Variants in PCDHGA9 observed in about 807,000 individuals in gnomAD.
PCDHGA9 encodes the protein protocadherin gamma-A9.
Under a neutral mutation model 62.5 loss-of-function variants are expected in PCDHGA9, and 37 were observed. The ratio of observed to expected loss-of-function variants is 0.59; its 90% CI spans 0.46 to 0.78. The LOEUF (loss-of-function observed/expected upper bound fraction) is 0.78. Among genes scored for constraint, PCDHGA9 ranks in the 30% least tolerant of loss-of-function variants. The pLI, the probability that PCDHGA9 is intolerant of heterozygous loss-of-function variation, is 0.00. For synonymous variants in PCDHGA9, 459 were observed against 484.6 expected (o/e 0.95, Z 0.69); for missense variants, 1,138 against 1,166.2 (o/e 0.98, Z 0.35).
intron 1 of PCDHGA9, chr5:141,408,778 A>G (rs1261786266): frequency 6.2e-7 from 1 of 1,612,198 alleles, no homozygotes; most frequent in Non-Finnish European, 8.5e-7. Flanking sequence ...GCAAATACCC[A>G]GAGTTATCTC....
chr5:141,408,839 A>T (rs1296339131), intron 1 of PCDHGA9: 24 of 1,613,642 alleles, frequency 1.5e-5, no homozygotes, highest in Non-Finnish European at 2.0e-5. Context: ...CTTGATATTG[A>T]CTGCCTTGGA....
chr5:141,446,253 A>T (rs1452074783), intron 1 of PCDHGA9, among the ~76,000 whole-genome samples: 3 of 152,164 alleles, frequency 2.0e-5, no homozygotes, highest in African/African-American at 7.2e-5. Context: ...CTTCAGTGAA[A>T]TATTATTAAC....
At chr5:141,409,163 G>A in intron 1 of PCDHGA9, 1 of 1,614,026 alleles carries the variant, frequency 6.2e-7, no homozygotes. Context: ...GGAAGTGGAA[G>A]CGAAGGACGG....
In PCDHGA9 at chr5:141,431,463, C is replaced by T. The variant is rs139195027; in HGVS notation, c.2424+26087C>T. Reference sequence around the variant, plus strand: ...CGCATCCGCGTGATGGTTCTGGATGCGAACGACAACGCACCAGCGTTTGCT... The same window carrying T: ...CGCATCCGCGTGATGGTTCTGGATGTGAACGACAACGCACCAGCGTTTGCT... On this transcript the variant is annotated intron_variant, in intron 1 of 3. Transcript: ENST00000573521. The surrounding 1 kb of genome is among the most constrained non-coding windows in gnomAD (Gnocchi z 4.8). The T allele has an allele frequency of 3.5e-3, 5,640 of 1,613,740 alleles. 51 individuals are homozygous for T. Among genetic ancestry groups the T allele is most frequent in the South Asian group, 0.02 (1,825 of 91,088 alleles).
chr5:141,494,950 A>T, intron 2 of PCDHGA9, 85 bp downstream of exon 2: 2 of 1,607,070 alleles, frequency 1.2e-6, no homozygotes, highest in African/African-American at 2.7e-5. Context: ...AGGGCCCAGC[A>T]TTTGCTACAG....
At chr5:141,408,211 G>C in intron 1 of PCDHGA9, 1 of 1,554,426 alleles carries the variant, frequency 6.4e-7, no homozygotes, top group Non-Finnish European at 8.7e-7. Context: ...CGATGGGAGG[G>C]AGCTGCGCGC....
chr5:141,421,784 G>C, intron 1 of PCDHGA9: 1 of 1,613,874 alleles, frequency 6.2e-7, no homozygotes, highest in Non-Finnish European at 8.5e-7. Context: ...CTGCGGGGCA[G>C]AACGGATGGG....
At position 141,489,068 on chromosome 5, in the gene PCDHGA9, G is replaced by GGCCCC; in HGVS notation, c.2425-5739_2425-5738insGCCCC. On this transcript the variant is annotated intron_variant, in intron 1 of 3. Coordinates refer to ENST00000573521, the MANE Select transcript of PCDHGA9 (RefSeq NM_018921.3). This position sits in a 1 kb window ranked among gnomAD's most constrained non-coding sequence, Gnocchi z 4.5. ...CTCAAATTCAGCTCCCCTCCCCCCT[G>GGCCCC]CCCACCCCCGCCACTCGGTGACTAA... 3.4e-6 allele frequency: 1 copy of GGCCCC among 291,558 alleles called. No individual in the cohort carries two copies. 18.1% of individuals were successfully genotyped at this position (291,558 alleles called of 1,614,324 possible). A position where few individuals can be genotyped will look rare whatever the true frequency, so the allele number is the denominator to read the frequency against.
chr5:141,409,711 A>T (rs768917889), intron 1 of PCDHGA9: 1 of 1,613,204 alleles, frequency 6.2e-7, no homozygotes, highest in Non-Finnish European at 8.5e-7. Flanking sequence ...CGGTGTCGTC[A>T]TACGTGTCAG....
Position 141,487,892 on chromosome 5 carries a change from T to A in PCDHGA9, c.2425-6915T>A. On this transcript the variant is annotated intron_variant, in intron 1 of 3. Coordinates refer to ENST00000573521, the MANE Select transcript of PCDHGA9 (RefSeq NM_018921.3). The surrounding 1 kb of genome is among the most constrained non-coding windows in gnomAD (Gnocchi z 5.0). The stretch of plus-strand genomic sequence containing the variant: ...GAGCCAGGCTGTTGTGGAAGCATGA[T>A]GATGGAATGTGGGAGCACAGGAGGC... 1 of 731,410 alleles carries A rather than the reference T, an allele frequency of 1.4e-6. No homozygotes were observed. Among genetic ancestry groups the A allele is most frequent in the South Asian group, 1.8e-5 (1 of 54,120 alleles). The allele number at this position is 731,410 out of a possible 1,614,324, so 45.3% of individuals were successfully genotyped here. A position where few individuals can be genotyped will look rare whatever the true frequency, so the allele number is the denominator to read the frequency against.
chr5:141,448,814 G>A (rs967588194), intron 1 of PCDHGA9, among the ~76,000 whole-genome samples: 14 of 152,122 alleles, frequency 9.2e-5, no homozygotes, highest in Non-Finnish European at 1.8e-4. Flanking sequence ...GCGTGATGGC[G>A]GGCGCCTGTA....
chr5:141,445,991 T>C (rs532620580), intron 1 of PCDHGA9, among the ~76,000 whole-genome samples: 147 of 152,168 alleles, frequency 9.7e-4, no homozygotes, highest in Admixed American at 3.4e-3. Context: ...TAAATAGAAA[T>C]AGGAAGATAA....
chr5:141,420,135 A>T (rs2096469364), intron 1 of PCDHGA9: 1 of 1,614,026 alleles, frequency 6.2e-7, no homozygotes. Flanking sequence ...GTGCCTGGGG[A>T]TCAAATGAAT....
At chr5:141,470,872 T>TTTTTTG (rs900302332) in intron 1 of PCDHGA9, among the ~76,000 whole-genome samples, 2 of 151,814 alleles carry the variant, frequency 1.3e-5, no homozygotes, top group Admixed American at 1.3e-4. Context: ...GTTTGTTTGT[T>TTTTTTG]TTTTTGTTTT....
At chr5:141,508,162 G>A (rs377676571) in intron 3 of PCDHGA9, 4 of 152,502 alleles carry the variant, frequency 2.6e-5, no homozygotes, top group African/African-American at 9.7e-5. Context: ...CCTGAGTAGA[G>A]GCTGGCACAG....
intron 2 of PCDHGA9, among the ~76,000 whole-genome samples, chr5:141,503,744 A>G (rs1310696654): frequency 2.0e-5 from 3 of 152,112 alleles, no homozygotes; most frequent in African/African-American, 4.8e-5. Context: ...GATGGTATAG[A>G]GGTCACACAT....
At chr5:141,472,980 C>CAAAAAAAAAAAAAAAAAAAAAA (rs60579131) in intron 1 of PCDHGA9, among the ~76,000 whole-genome samples, 6 of 86,102 alleles carry the variant, frequency 7.0e-5, no homozygotes, top group African/African-American at 1.2e-4. Flanking sequence ...GAGTGAAACT[C>CAAAAAAAAAAAAAAAAAAAAAA]AAAAAAAAAA....
Position 141,432,014 on chromosome 5 carries a change from AACATC to A in PCDHGA9, c.2424+26642_2424+26646del. ...GGATAGGGAACAGGTTCCTAGCTAC[AACATC>A]ACAGTGACCGCCACTGACCGGGGAA... On this transcript the variant is annotated intron_variant, in intron 1 of 3. Transcript: ENST00000573521. This position sits in a 1 kb window ranked among gnomAD's most constrained non-coding sequence, Gnocchi z 6.0. 6.2e-7 allele frequency: 1 copy of A among 1,614,078 alleles called. No individual in the cohort carries two copies. The highest frequency in any genetic ancestry group is 8.5e-7 in the Non-Finnish European group (1 of 1,180,036).
chr5:141,413,690 A>T lies in PCDHGA9; in HGVS notation c.2424+8314A>T, dbSNP rs553462819. On this transcript the variant is annotated intron_variant, in intron 1 of 3. Transcript: ENST00000573521. ...CCGGATGTGGGCGTGAACTCCCTGC[A>T]GAGCTATCAGCTCAGCCCCAATAAG... 9.9e-6 allele frequency: 16 copies of T among 1,613,702 alleles called. No individual in the cohort carries two copies. The East Asian group carries it at 2.9e-4, about 29-fold the overall frequency.
Sources: gnomAD v4.1 joint callset for allele counts (sites outside exome capture counted in the v4.1 genomes callset) on GRCh38, gnomAD v4.1.1 for gene constraint, Gnocchi (gnomAD v3.1) non-coding constraint, MANE v1.5 for transcripts, NCBI Gene and HGNC (gene_info 2026-07-23, HGNC 2026-07-21) for gene names.